DYNLT2: variants seen among roughly 807,000 people sequenced by gnomAD.
DYNLT2 encodes the protein dynein light chain Tctex-type protein 2.
Under a neutral mutation model 24.3 loss-of-function variants are expected in DYNLT2, and 24 were observed. The observed-to-expected ratio is 0.99, with a 90% CI of 0.71 to 1.39. The LOEUF (loss-of-function observed/expected upper bound fraction) is 1.39, where lower values mean the gene tolerates loss of function less well. Ranked by LOEUF, DYNLT2 falls within the 40% of genes most tolerant of loss-of-function variation. DYNLT2 has a pLI of 0.00. For synonymous variants in DYNLT2, 85 were observed against 85.4 expected, an observed-to-expected ratio of 1.00 and a Z score of 0.03; for missense variants, 246 against 234.5, an observed-to-expected ratio of 1.05 and a Z score of -0.32.
chr6:169,728,879 A>G, the DYNLT2 span, among the ~76,000 whole-genome samples: 3 of 152,266 alleles, frequency 2.0e-5, no homozygotes, highest in Middle Eastern at 0.01. Flanking sequence ...TTATCTTTGC[A>G]TTTTCAATCT....
At chr6:169,733,528 T>G in the DYNLT2 span, among the ~76,000 whole-genome samples, 1 of 152,218 alleles carries the variant, frequency 6.6e-6, no homozygotes, top group South Asian at 2.1e-4. Flanking sequence ...CCCAGCACCA[T>G]TTACTGAATA....
chr6:169,739,523 T>C (rs1339700574), downstream of DYNLT2, among the ~76,000 whole-genome samples: 1 of 152,172 alleles, frequency 6.6e-6, no homozygotes, highest in Non-Finnish European at 1.5e-5. Context: ...CCTGGATCCT[T>C]GATCAAATCC....
chr6:169,745,188 G>A (rs1262284282), intron 1 of DYNLT2, among the ~76,000 whole-genome samples: 1 of 152,012 alleles, frequency 6.6e-6, no homozygotes, highest in East Asian at 1.9e-4. Flanking sequence ...TGCCTCCTAG[G>A]TTGAAGTTAT....
chr6:169,728,649 T>C, the DYNLT2 span, among the ~76,000 whole-genome samples: 22 of 152,320 alleles, frequency 1.4e-4, no homozygotes, highest in Admixed American at 5.9e-4. Flanking sequence ...TACGTAGACA[T>C]ATCAGGAATT....
At chr6:169,735,437 C>T (rs955815085), downstream of DYNLT2, among the ~76,000 whole-genome samples, 4 of 152,074 alleles carry the variant, frequency 2.6e-5, no homozygotes, top group African/African-American at 9.7e-5. Context: ...TGTAAATTTC[C>T]CTCTTAACAC....
rs752660634 is a variant in DYNLT2 at position 169,751,412 on chromosome 6, G to A, written c.47C>T (p.Pro16Leu). The A allele has an allele frequency of 6.2e-7, 1 of 1,614,166 alleles. No homozygotes were observed. The highest frequency in any genetic ancestry group is 8.5e-7 in the Non-Finnish European group (1 of 1,180,032). The change falls in exon 1 of 4, where the codon CCG becomes CTG. Residue 16 changes from proline to leucine, a missense_variant. Physicochemically the swap from Pro to Leu is moderately conservative, Grantham distance 98. Transcript: ENST00000366774. Reference protein sequence around the residue: ...RGVKSSPIQTPNQTPQQAPVT... With the variant: ...RGVKSSPIQTLNQTPQQAPVT... ...CGGAGCCTGCTGAGGGGTCTGGTTC[G>A]GGGTCTGGATGGGGCTCGACTTCAC...
At position 169,751,479 on chromosome 6, in the gene DYNLT2, G is replaced by T; in HGVS notation, c.-21C>A. On this transcript the variant is annotated 5_prime_UTR_variant, in exon 1 of 4. Transcript: ENST00000366774. ...TCCATCTCGCTCTGTTCTCCAAGAC[G>T]CCCACCGCCTCCCCTTCACCGCCGG... is the stretch of plus-strand genomic sequence containing the variant. 1.2e-6 allele frequency: 2 copies of T among 1,612,214 alleles called. No individual in the cohort carries two copies. Among genetic ancestry groups the T allele is most frequent in the Non-Finnish European group, 1.7e-6 (2 of 1,179,094 alleles).
chr6:169,740,632 C>T (rs1585316918), intron 3 of DYNLT2, among the ~76,000 whole-genome samples: 1 of 152,070 alleles, frequency 6.6e-6, no homozygotes, highest in Non-Finnish European at 1.5e-5. Context: ...GAAGTCTTCC[C>T]ACCCTTTAAA....
the DYNLT2 span, among the ~76,000 whole-genome samples, chr6:169,726,172 A>G: frequency 6.6e-6 from 1 of 152,370 alleles, no homozygotes; most frequent in Middle Eastern, 3.4e-3. Context: ...CAGTCTTCCA[A>G]TGTGCAAGGC....
intron 1 of DYNLT2, among the ~76,000 whole-genome samples, chr6:169,745,242 G>A (rs776435007): frequency 2.6e-5 from 4 of 151,982 alleles, no homozygotes; most frequent in Non-Finnish European, 5.9e-5. Flanking sequence ...ACAGGTGCAT[G>A]CCACCACTCC....
intron 1 of DYNLT2, among the ~76,000 whole-genome samples, chr6:169,749,269 T>G (rs1331625900): frequency 1.3e-5 from 2 of 152,082 alleles, no homozygotes; most frequent in African/African-American, 2.4e-5. Flanking sequence ...CCCGGCTAAT[T>G]TTTGTATTTT....
the DYNLT2 span, among the ~76,000 whole-genome samples, chr6:169,730,807 A>G: frequency 1.3e-4 from 20 of 152,302 alleles, no homozygotes; most frequent in African/African-American, 4.8e-4. Flanking sequence ...CTGAGGCATG[A>G]GAATGGTGTG....
chr6:169,747,151 C>A (rs1228009618), intron 1 of DYNLT2, among the ~76,000 whole-genome samples: 1 of 151,900 alleles, frequency 6.6e-6, no homozygotes, highest in Non-Finnish European at 1.5e-5. Context: ...TCGATGTCTT[C>A]TGTCTTGCAT....
chr6:169,736,391 C>T (rs1186628938), downstream of DYNLT2, among the ~76,000 whole-genome samples: 1 of 152,024 alleles, frequency 6.6e-6, no homozygotes, highest in East Asian at 1.9e-4. Flanking sequence ...ACTAGTTGAT[C>T]CAGTTTCTTC....
At chr6:169,731,823 AAG>A in the DYNLT2 span, among the ~76,000 whole-genome samples, 2 of 152,208 alleles carry the variant, frequency 1.3e-5, no homozygotes, top group Non-Finnish European at 2.9e-5. Flanking sequence ...ACAGAAGGGA[AAG>A]AGAAAGAACA....
chr6:169,743,755 C>T (rs561023483), intron 2 of DYNLT2, among the ~76,000 whole-genome samples: 29 of 152,088 alleles, frequency 1.9e-4, no homozygotes, highest in Non-Finnish European at 3.7e-4. Flanking sequence ...TCTCTGGCCT[C>T]CAGGAAAATG....
chr6:169,745,688 A>C (rs1789781056), intron 1 of DYNLT2, among the ~76,000 whole-genome samples: 1 of 152,170 alleles, frequency 6.6e-6, no homozygotes, highest in South Asian at 2.1e-4. Flanking sequence ...TATTTCGTTT[A>C]GAATTTTTGC....
the DYNLT2 span, among the ~76,000 whole-genome samples, chr6:169,731,799 A>G: frequency 6.6e-6 from 1 of 152,242 alleles, no homozygotes; most frequent in East Asian, 1.9e-4. Context: ...ACAACTAAGT[A>G]TATATGGGGT....
intron 1 of DYNLT2, among the ~76,000 whole-genome samples, chr6:169,746,039 T>G (rs961006607): frequency 6.6e-6 from 1 of 152,224 alleles, no homozygotes; most frequent in African/African-American, 2.4e-5. Flanking sequence ...TCATCTAGGT[T>G]ATCAAATTTC....
Sources: gnomAD v4.1 joint callset for allele counts (sites outside exome capture counted in the v4.1 genomes callset) on GRCh38, gnomAD v4.1.1 for gene constraint, MANE v1.5 for transcripts, NCBI Gene and HGNC (gene_info 2026-07-23, HGNC 2026-07-21) for gene names.